Variants in PPARGC1A observed in about 807,000 individuals in gnomAD.
The protein encoded by PPARGC1A is PPARG coactivator 1 alpha.
In PPARGC1A, 25 loss-of-function variants were observed where a neutral mutation model predicts 88.7. That is an observed-to-expected ratio of 0.28 (90% CI 0.21 to 0.39). PPARGC1A has a LOEUF of 0.39. Among genes scored for constraint, PPARGC1A ranks in the 10% least tolerant of loss-of-function variants. The pLI is 1.00. For missense variants in PPARGC1A, 880 were observed against 968.7 expected (o/e 0.91, Z 1.22); for synonymous variants, 363 against 355.6 (o/e 1.02, Z -0.24).
chr4:24,138,962 C>T, the PPARGC1A span, among the ~76,000 whole-genome samples: 3,980 of 152,116 alleles, frequency 0.026, 169 homozygotes, highest in African/African-American at 0.09. Flanking sequence ...ATGTTTTGGG[C>T]GAGATAGTGT....
intron 5 of PPARGC1A, 104 bp downstream of exon 5, chr4:23,828,296 C>T (rs1158092527): frequency 8.3e-6 from 10 of 1,201,064 alleles, no homozygotes; most frequent in Admixed American, 3.7e-5. Context: ...CACAGAGTGA[C>T]GCTGATGGGA....
At chr4:24,351,231 TA>T in the PPARGC1A span, among the ~76,000 whole-genome samples, 112,381 of 146,680 alleles carry the variant, frequency 0.77, 43,147 homozygotes, top group Admixed American at 0.85. Context: ...CCCTTGTATT[TA>T]AAAAAAAAAA....
the PPARGC1A span, among the ~76,000 whole-genome samples, chr4:24,065,393 C>A: frequency 6.6e-6 from 1 of 152,164 alleles, no homozygotes; most frequent in Non-Finnish European, 1.5e-5. Flanking sequence ...TAGGGGATTG[C>A]CTTCCATGCC....
At chr4:24,235,957 TG>T in the PPARGC1A span, among the ~76,000 whole-genome samples, 4 of 152,206 alleles carry the variant, frequency 2.6e-5, no homozygotes, top group South Asian at 8.3e-4. Flanking sequence ...TCCTTCATCC[TG>T]TGACTATATG....
the PPARGC1A span, among the ~76,000 whole-genome samples, chr4:23,956,065 A>G: frequency 6.6e-6 from 1 of 152,160 alleles, no homozygotes; most frequent in Non-Finnish European, 1.5e-5. Context: ...TGAATTTCAT[A>G]TAATTGTTAT....
the PPARGC1A span, among the ~76,000 whole-genome samples, chr4:24,018,902 CA>C: frequency 5.3e-5 from 8 of 151,862 alleles, no homozygotes; most frequent in Admixed American, 1.3e-4. Context: ...AGTAGATAAG[CA>C]AAAAAAGTAA....
the PPARGC1A span, among the ~76,000 whole-genome samples, chr4:24,302,677 T>G: frequency 1.3e-5 from 2 of 152,318 alleles, no homozygotes; most frequent in East Asian, 3.9e-4. Flanking sequence ...GGCAGGGCAT[T>G]CCGTAATCAA....
the PPARGC1A span, among the ~76,000 whole-genome samples, chr4:23,990,163 T>C: frequency 6.8e-6 from 1 of 147,644 alleles, no homozygotes; most frequent in Non-Finnish European, 1.5e-5. Context: ...ATGGAATACA[T>C]ATAACGCATA....
chr4:24,004,364 T>C, the PPARGC1A span, among the ~76,000 whole-genome samples: 1 of 152,198 alleles, frequency 6.6e-6, no homozygotes, highest in Non-Finnish European at 1.5e-5. Flanking sequence ...GCTTCTGCAT[T>C]GAGAAGGCAC....
the PPARGC1A span, among the ~76,000 whole-genome samples, chr4:24,436,317 T>A: frequency 9.8e-5 from 15 of 152,336 alleles, no homozygotes; most frequent in Admixed American, 4.6e-4. Flanking sequence ...TGTGACTGAT[T>A]TTTCCACTGC....
chr4:24,393,009 A>G, the PPARGC1A span, among the ~76,000 whole-genome samples: 2 of 95,430 alleles, frequency 2.1e-5, no homozygotes, highest in Non-Finnish European at 4.4e-5. Context: ...TTACTGCTCC[A>G]TCAGCACACA....
chr4:24,387,812 GAAAGAAAGAA>G, the PPARGC1A span, among the ~76,000 whole-genome samples: 1 of 108,138 alleles, frequency 9.2e-6, no homozygotes, highest in Non-Finnish European at 2.1e-5. Context: ...AAGAAAGAAA[GAAAGAAAGAA>G]AGAGAGAAAG....
chr4:23,958,463 A>T, the PPARGC1A span, among the ~76,000 whole-genome samples: 1 of 152,152 alleles, frequency 6.6e-6, no homozygotes, highest in East Asian at 1.9e-4. Context: ...CCAAGTTTAT[A>T]ACTCAAAAAT....
the PPARGC1A span, among the ~76,000 whole-genome samples, chr4:23,962,135 T>A: frequency 7.9e-5 from 12 of 151,742 alleles, no homozygotes; most frequent in Non-Finnish European, 8.8e-5. Context: ...TTTTTTTTAA[T>A]AACAACAAGG....
At chr4:24,273,508 C>A in the PPARGC1A span, among the ~76,000 whole-genome samples, 1 of 152,122 alleles carries the variant, frequency 6.6e-6, no homozygotes, top group African/African-American at 2.4e-5. Flanking sequence ...ACTGTATCAT[C>A]TCAGAACCAA....
chr4:24,265,581 G>A, the PPARGC1A span, among the ~76,000 whole-genome samples: 5 of 151,954 alleles, frequency 3.3e-5, no homozygotes, highest in Admixed American at 6.6e-5. Flanking sequence ...AATCGATGCC[G>A]GGGGGCAGAA....
Position 23,792,111 on chromosome 4 carries a change from G to C in PPARGC1A, c.*3711C>G, listed in dbSNP as rs1716737073. On this transcript the variant is annotated 3_prime_UTR_variant, in exon 13 of 13. Coordinates refer to ENST00000264867, the MANE Select transcript of PPARGC1A (RefSeq NM_013261.5). Reference sequence around the variant, plus strand: ...AAAATCACAGGAATTTTCATACAATGAATAAAACCACAACAATACATGTAG... The same window carrying C: ...AAAATCACAGGAATTTTCATACAATCAATAAAACCACAACAATACATGTAG... 1 of 152,494 alleles carries C rather than the reference G, an allele frequency of 6.6e-6. No individual in the cohort carries two copies. Among genetic ancestry groups the C allele is most frequent in the Non-Finnish European group, 1.5e-5 (1 of 68,004 alleles). 9.4% of individuals were successfully genotyped at this position (152,494 alleles called of 1,614,324 possible). A position where few individuals can be genotyped will look rare whatever the true frequency, so the allele number is the denominator to read the frequency against.
chr4:24,388,407 T>C, the PPARGC1A span, among the ~76,000 whole-genome samples: 1 of 152,180 alleles, frequency 6.6e-6, no homozygotes, highest in African/African-American at 2.4e-5. Context: ...TGGAAGACAA[T>C]GTGGCGGTTC....
chr4:24,151,319 C>T, the PPARGC1A span, among the ~76,000 whole-genome samples: 1 of 152,140 alleles, frequency 6.6e-6, no homozygotes, highest in African/African-American at 2.4e-5. Flanking sequence ...CTGGTGAGGG[C>T]TCTCTTCCTG....
Sources: gnomAD v4.1 joint callset for allele counts (sites outside exome capture counted in the v4.1 genomes callset) on GRCh38, gnomAD v4.1.1 for gene constraint, MANE v1.5 for transcripts, NCBI Gene and HGNC (gene_info 2026-07-23, HGNC 2026-07-21) for gene names.